TENM3: variants seen among roughly 807,000 people sequenced by gnomAD.
The protein encoded by TENM3 is teneurin-3.
Under a neutral mutation model 255.1 loss-of-function variants are expected in TENM3, and 63 were observed. The ratio of observed to expected loss-of-function variants is 0.25; its 90% CI spans 0.20 to 0.30. The LOEUF is 0.30. TENM3 is among the 10% of genes least tolerant of loss of function. TENM3 has a pLI of 1.00. For synonymous variants in TENM3, 1,306 were observed against 1,322.3 expected, an observed-to-expected ratio of 0.99 and a Z score of 0.27; for missense variants, 2,929 against 3,461.1, an observed-to-expected ratio of 0.85 and a Z score of 3.86.
chr4:181,587,961 G>C, the TENM3 span, among the ~76,000 whole-genome samples: 1 of 152,262 alleles, frequency 6.6e-6, no homozygotes, highest in Non-Finnish European at 1.5e-5. Context: ...GCCGTCCTGA[G>C]ATGGAAAGAA....
At chr4:182,350,475 T>A (rs932223555) in intron 3 of TENM3, among the ~76,000 whole-genome samples, 1 of 152,164 alleles carries the variant, frequency 6.6e-6, no homozygotes, top group African/African-American at 2.4e-5. Flanking sequence ...ACCCATTGAT[T>A]GTTGTGGTGG....
intron 1 of TENM3, among the ~76,000 whole-genome samples, chr4:182,252,331 A>G (rs1758074370): frequency 6.6e-6 from 1 of 152,116 alleles, no homozygotes; most frequent in Non-Finnish European, 1.5e-5. Context: ...AGCTTTTAAG[A>G]CCTCTAAAAT....
intron 12 of TENM3, among the ~76,000 whole-genome samples, chr4:182,692,916 T>C (rs1757116631): frequency 6.6e-6 from 1 of 152,138 alleles, no homozygotes; most frequent in Non-Finnish European, 1.5e-5. Context: ...GTAGCCCTAT[T>C]TGAAGGACCC....
intron 1 of TENM3, among the ~76,000 whole-genome samples, chr4:182,322,650 G>A (rs532226549): frequency 6.6e-6 from 1 of 152,308 alleles, no homozygotes; most frequent in South Asian, 2.1e-4. Flanking sequence ...TTAATGAGCT[G>A]TATGATGTGT....
In TENM3 at chr4:182,161,833, A is replaced by ATG. The variant is rs1339194901; in HGVS notation, c.-76+17080_-76+17081insGT. Among the ~76,000 whole-genome samples, 2 of 48,344 alleles carry ATG rather than the reference A, an allele frequency of 4.1e-5. 1 individual carries two copies. The highest frequency in any genetic ancestry group is 1.1e-4 in the African/African-American group (2 of 18,658). 31.7% of individuals were successfully genotyped at this position (48,344 alleles called of 152,430 possible). A position where few individuals can be genotyped will look rare whatever the true frequency, so the allele number is the denominator to read the frequency against. On this transcript the variant is annotated intron_variant, in intron 1 of 2. Coordinates refer to the TENM3 transcript ENST00000512480. ...TATATATGTATATATATACACATAT[A>ATG]TATGTGTATATATACACAAATATAT...
intron 3 of TENM3, among the ~76,000 whole-genome samples, chr4:182,557,104 T>C (rs1261501589): frequency 6.6e-6 from 1 of 152,200 alleles, no homozygotes; most frequent in Non-Finnish European, 1.5e-5. Flanking sequence ...TGGAGCTTTT[T>C]TCGGAGAACT....
chr4:181,487,985 T>G, the TENM3 span, among the ~76,000 whole-genome samples: 1 of 152,174 alleles, frequency 6.6e-6, no homozygotes, highest in Non-Finnish European at 1.5e-5. Context: ...AATGTCTAGT[T>G]CCAACCAAAT....
At chr4:181,609,706 T>C in the TENM3 span, among the ~76,000 whole-genome samples, 1 of 152,256 alleles carries the variant, frequency 6.6e-6, no homozygotes, top group Non-Finnish European at 1.5e-5. Context: ...CAATCCAGTT[T>C]CCACACAATG....
At chr4:181,510,133 AT>A in the TENM3 span, among the ~76,000 whole-genome samples, 1 of 152,264 alleles carries the variant, frequency 6.6e-6, no homozygotes, top group African/African-American at 2.4e-5. Flanking sequence ...TAAAATGGAA[AT>A]AGTGGCACAG....
At chr4:182,722,771 A>G (rs1166396312) in intron 13 of TENM3, among the ~76,000 whole-genome samples, 2 of 152,230 alleles carry the variant, frequency 1.3e-5, no homozygotes, top group South Asian at 2.1e-4. Flanking sequence ...AACCTGGGAA[A>G]ACACACTGTT....
At chr4:182,504,132 G>A (rs925819661) in intron 3 of TENM3, among the ~76,000 whole-genome samples, 5 of 151,322 alleles carry the variant, frequency 3.3e-5, no homozygotes, top group African/African-American at 4.9e-5. Context: ...AGTGCCTGAC[G>A]CCCGGAAACT....
chr4:181,864,450 A>G, the TENM3 span, among the ~76,000 whole-genome samples: 6 of 151,630 alleles, frequency 4.0e-5, no homozygotes, highest in South Asian at 1.2e-3. Context: ...GAGAGAGAGA[A>G]AGCAAAAAAG....
intron 3 of TENM3, among the ~76,000 whole-genome samples, chr4:182,462,418 CT>C (rs1318421683): frequency 1.3e-5 from 2 of 151,432 alleles, no homozygotes; most frequent in African/African-American, 4.8e-5. Context: ...TTTATTGTTA[CT>C]TTTTTCAGAT....
At chr4:181,884,787 A>G in the TENM3 span, among the ~76,000 whole-genome samples, 9 of 152,192 alleles carry the variant, frequency 5.9e-5, no homozygotes, top group African/African-American at 2.2e-4. Flanking sequence ...ATCTCTTAAA[A>G]AGCCCTACAA....
At chr4:182,007,186 A>T in the TENM3 span, among the ~76,000 whole-genome samples, 1 of 152,218 alleles carries the variant, frequency 6.6e-6, no homozygotes, top group African/African-American at 2.4e-5. Flanking sequence ...TATGACACTG[A>T]GAAGAATGTA....
At chr4:182,345,518 AG>A (rs1764743596) in intron 2 of TENM3, among the ~76,000 whole-genome samples, 1 of 152,168 alleles carries the variant, frequency 6.6e-6, no homozygotes, top group Non-Finnish European at 1.5e-5. Flanking sequence ...CAGTCTTTGT[AG>A]GTTACTATTC....
At chr4:182,277,345 G>A (rs4536978) in intron 1 of TENM3, among the ~76,000 whole-genome samples, 1,701 of 151,816 alleles carry the variant, frequency 0.011, 35 homozygotes, top group Admixed American at 0.042. Context: ...AGGTAGAGTT[G>A]GGGGGTGGGG....
intron 3 of TENM3, among the ~76,000 whole-genome samples, chr4:182,371,257 A>ACACG (rs1554056657): frequency 3.3e-4 from 50 of 151,564 alleles, no homozygotes; most frequent in Non-Finnish European, 4.4e-4. Flanking sequence ...ACACACACAC[A>ACACG]CACAGACTTT....
intron 3 of TENM3, among the ~76,000 whole-genome samples, chr4:182,508,750 G>A (rs1737082428): frequency 6.6e-6 from 1 of 152,132 alleles, no homozygotes. Flanking sequence ...TCTTTCCTTT[G>A]AATCACAGTG....
Sources: gnomAD v4.1 joint callset for allele counts (sites outside exome capture counted in the v4.1 genomes callset) on GRCh38, gnomAD v4.1.1 for gene constraint, MANE v1.5 for transcripts, NCBI Gene and HGNC (gene_info 2026-07-23, HGNC 2026-07-21) for gene names.